CUL5: variants seen among roughly 807,000 people sequenced by gnomAD.
CUL5 encodes cullin-5.
CUL5 carries 26 observed loss-of-function variants against 108.8 expected under a neutral mutation model. The ratio of observed to expected loss-of-function variants is 0.24; its 90% CI spans 0.18 to 0.33. The LOEUF (loss-of-function observed/expected upper bound fraction) is 0.33, where lower values mean the gene tolerates loss of function less well. Among genes scored for constraint, CUL5 ranks in the 10% least tolerant of loss-of-function variants. The pLI, the probability that CUL5 is intolerant of heterozygous loss-of-function variation, is 1.00. For synonymous variants in CUL5, 334 were observed against 298.0 expected, an observed-to-expected ratio of 1.12 and a Z score of -1.25; for missense variants, 524 against 909.2, an observed-to-expected ratio of 0.58 and a Z score of 5.45.
rs1168556369 is a variant in CUL5, at chr11:108,104,461, GA to G, written c.*80del. ...AGAAAGTTGTAAAGTTTGTGCTGGAGAAAGGTTTATTTGGACTTTGATTACA... is the reference window on the plus strand; with the variant it reads ...AGAAAGTTGTAAAGTTTGTGCTGGAGAAGGTTTATTTGGACTTTGATTACA... On this transcript the variant is annotated 3_prime_UTR_variant, in exon 19 of 19. Transcript: ENST00000393094. 1.1e-6 allele frequency: 1 copy of G among 908,618 alleles called. No individual in the cohort carries two copies. The allele number at this position is 908,618 out of a possible 1,614,324, so 56.3% of individuals were successfully genotyped here.
intron 1 of CUL5, among the ~76,000 whole-genome samples, chr11:108,030,786 G>T (rs1375008009): frequency 6.6e-6 from 1 of 152,166 alleles, no homozygotes; most frequent in Non-Finnish European, 1.5e-5. Flanking sequence ...CCTAGTTTGG[G>T]TCATAGACCA....
intron 1 of CUL5, among the ~76,000 whole-genome samples, chr11:108,012,454 T>C (rs974529734): frequency 3.3e-5 from 5 of 151,768 alleles, no homozygotes; most frequent in Non-Finnish European, 7.4e-5. Flanking sequence ...CCTCCCAAAT[T>C]GTCTCATTCT....
At chr11:108,017,162 G>A (rs1471455660) in intron 1 of CUL5, among the ~76,000 whole-genome samples, 1 of 152,112 alleles carries the variant, frequency 6.6e-6, no homozygotes, top group Non-Finnish European at 1.5e-5. Flanking sequence ...ATTGAGGTGG[G>A]TGGATTACCT....
intron 2 of CUL5, among the ~76,000 whole-genome samples, chr11:108,040,784 A>C (rs1172811947): frequency 1.1e-4 from 17 of 152,100 alleles, no homozygotes; most frequent in African/African-American, 1.4e-4. Context: ...GTCTCAACAA[A>C]AAAAAAAGTA....
intron 13 of CUL5, 53 bp from the exon 14 acceptor site, chr11:108,094,338 A>G: frequency 7.5e-7 from 1 of 1,338,932 alleles, no homozygotes; most frequent in Non-Finnish European, 1.0e-6. Context: ...TTTCCCAGTA[A>G]TATATCAGAT....
At position 108,046,377 on chromosome 11, in the gene CUL5, C is replaced by G; in HGVS notation, c.234+8C>G. On this transcript the variant is annotated splice_region_variant and intron_variant, in intron 3 of 18. Transcript: ENST00000393094. ...ATTAAGCAAGCACAGGCAGTAAGTT[C>G]TACATGCTTATTTTAGACTTGTTTT... 6.7e-7 allele frequency: 1 copy of G among 1,493,078 alleles called. No homozygotes were observed. Among genetic ancestry groups the G allele is most frequent in the East Asian group, 2.3e-5 (1 of 43,898 alleles). The allele number at this position is 1,493,078 out of a possible 1,614,324, so 92.5% of individuals were successfully genotyped here.
chr11:108,062,008 C>CA (rs1565252636), intron 7 of CUL5, among the ~76,000 whole-genome samples: 1 of 152,176 alleles, frequency 6.6e-6, no homozygotes. Context: ...CTGATCCAAT[C>CA]ACCTCCCACC....
intron 2 of CUL5, among the ~76,000 whole-genome samples, chr11:108,034,461 A>G (rs1400824077): frequency 6.6e-6 from 1 of 152,206 alleles, no homozygotes; most frequent in Non-Finnish European, 1.5e-5. Context: ...ACTGTTGACC[A>G]TTCAAGTTCT....
At chr11:108,017,634 G>C (rs573457325) in intron 1 of CUL5, among the ~76,000 whole-genome samples, 1 of 152,308 alleles carries the variant, frequency 6.6e-6, no homozygotes, top group East Asian at 1.9e-4. Context: ...AAGATCGCTT[G>C]AGCCCAGGAG....
At chr11:108,076,211 T>C (rs1055196776) in intron 10 of CUL5, among the ~76,000 whole-genome samples, 5 of 151,878 alleles carry the variant, frequency 3.3e-5, no homozygotes, top group African/African-American at 7.3e-5. Context: ...TTGTAATTTT[T>C]TTTGTAGAGA....
At chr11:108,075,176 CA>C in intron 10 of CUL5, among the ~76,000 whole-genome samples, 1 of 148,902 alleles carries the variant, frequency 6.7e-6, no homozygotes, top group South Asian at 2.1e-4. Flanking sequence ...TAGAGGTGGT[CA>C]AAAGTAGTTC....
intron 7 of CUL5, among the ~76,000 whole-genome samples, chr11:108,062,747 TTTA>T (rs1380216023): frequency 6.6e-6 from 1 of 152,072 alleles, no homozygotes; most frequent in Non-Finnish European, 1.5e-5. Flanking sequence ...ATTATATTCT[TTTA>T]TTATTTTTAA....
chr11:108,103,614 A>G (rs1864722762), intron 18 of CUL5, among the ~76,000 whole-genome samples: 1 of 152,184 alleles, frequency 6.6e-6, no homozygotes, highest in African/African-American at 2.4e-5. Flanking sequence ...GGTTTGTTAT[A>G]TTTTAATTAA....
chr11:108,084,805 G>C (rs1310434110), intron 11 of CUL5: 1 of 152,156 alleles, frequency 6.6e-6, no homozygotes, highest in Non-Finnish European at 1.5e-5. Context: ...AAAATAAAAA[G>C]GACAGATATA....
chr11:108,038,565 C>A (rs1252178786), intron 2 of CUL5, among the ~76,000 whole-genome samples: 1 of 151,704 alleles, frequency 6.6e-6, no homozygotes, highest in South Asian at 2.1e-4. Flanking sequence ...ATTCCAGCTA[C>A]TTGGGAGGCT....
In CUL5 at chr11:108,054,653, T is replaced by C; in HGVS notation, c.560T>C (p.Leu187Pro). Residue 187 changes from leucine to proline, a missense_variant, in exon 6 of 19, where the codon CTT becomes CCT. Leu to Pro is a moderately conservative substitution (Grantham distance 98, BLOSUM62 -3). Coordinates refer to ENST00000393094, the MANE Select transcript of CUL5 (RefSeq NM_003478.6). ...TTTATTTTCTGTTTTTCAGTTAACC[T>C]TTGTTCTAATCCTGAGGATAAACTT... Reference protein sequence around the residue: ...VIGVRESYVNLCSNPEDKLQI... With the variant: ...VIGVRESYVNPCSNPEDKLQI... 1 of 1,573,282 alleles carries C rather than the reference T, an allele frequency of 6.4e-7. No homozygotes were observed. The highest frequency in any genetic ancestry group is 1.4e-5 in the African/African-American group (1 of 73,688).
At chr11:108,049,373 G>A (rs1488454834) in intron 3 of CUL5, among the ~76,000 whole-genome samples, 1 of 150,834 alleles carries the variant, frequency 6.6e-6, no homozygotes, top group Non-Finnish European at 1.5e-5. Context: ...CCAGGGTATT[G>A]CTCTGTCGCC....
rs982655468 is a variant in CUL5 at position 108,105,853 on chromosome 11, G to C, written c.*1469G>C. 2.0e-5 allele frequency: 3 copies of C among 152,106 alleles called. No homozygotes were observed. The highest frequency in any genetic ancestry group is 2.0e-4 in the Admixed American group (3 of 15,268). The allele number at this position is 152,106 out of a possible 1,614,324, so 9.4% of individuals were successfully genotyped here. A position where few individuals can be genotyped will look rare whatever the true frequency, so the allele number is the denominator to read the frequency against. The stretch of plus-strand genomic sequence containing the variant: ...ATAGTAGGAAATGGAGTACAGAAAG[G>C]CATACAGTATTATGTTACAGTGGAG... On this transcript the variant is annotated 3_prime_UTR_variant, in exon 19 of 19. Coordinates refer to ENST00000393094, the MANE Select transcript of CUL5 (RefSeq NM_003478.6).
chr11:108,064,570 C>T (rs937418053), intron 7 of CUL5, among the ~76,000 whole-genome samples: 3 of 152,010 alleles, frequency 2.0e-5, no homozygotes, highest in East Asian at 3.9e-4. Flanking sequence ...AATTAGCGGG[C>T]GAGGTGTCAG....
Sources: allele counts gnomAD v4.1 joint callset (sites outside exome capture counted in the v4.1 genomes callset), GRCh38; gene constraint gnomAD v4.1.1; transcripts MANE v1.5; gene names NCBI Gene and HGNC (gene_info 2026-07-23, HGNC 2026-07-21).